Variants in RHOQ observed in about 807,000 individuals in gnomAD.
RHOQ encodes the protein rho-related GTP-binding protein RhoQ.
A neutral mutation model predicts 25.8 loss-of-function variants in RHOQ; 7 were observed. The ratio of observed to expected loss-of-function variants is 0.27; its 90% CI spans 0.15 to 0.51. The LOEUF is 0.51. Ranked by LOEUF, RHOQ falls within the 20% of genes least tolerant of loss-of-function variation. RHOQ has a pLI of 0.97. For missense variants in RHOQ, 165 were observed against 260.6 expected (o/e 0.63, Z 2.53); for synonymous variants, 97 against 98.6 (o/e 0.98, Z 0.10).
chr2:46,554,041 C>A (rs1423877789), intron 2 of RHOQ, among the ~76,000 whole-genome samples: 1 of 151,870 alleles, frequency 6.6e-6, no homozygotes, highest in African/African-American at 2.4e-5. Context: ...GTTTGTCTTT[C>A]TGTTGCTGGC....
At chr2:46,570,009 C>T (rs1668861018) in intron 2 of RHOQ, among the ~76,000 whole-genome samples, 1 of 152,074 alleles carries the variant, frequency 6.6e-6, no homozygotes, top group African/African-American at 2.4e-5. Context: ...CCAAACTTAC[C>T]AAAGTGTTTT....
chr2:46,545,023 C>T (rs116006802), intron 2 of RHOQ, among the ~76,000 whole-genome samples: 4 of 152,160 alleles, frequency 2.6e-5, no homozygotes, highest in Admixed American at 2.6e-4. Flanking sequence ...GGGGGAGTGC[C>T]TTGATGTGAC....
rs1668392901 is a variant in RHOQ, at chr2:46,555,765, G to C, written c.201+11953G>C. ...CAGGTGTGCTTCCAGAGTGGCCTGT[G>C]GCCCTCTGTGATAAGTCGGTAGGAG... On this transcript the variant is annotated intron_variant, in intron 2 of 4. Coordinates refer to ENST00000238738, the MANE Select transcript of RHOQ (RefSeq NM_012249.4). This position sits in a 1 kb window ranked among gnomAD's most constrained non-coding sequence, Gnocchi z 4.3. Among the ~76,000 whole-genome samples the C allele has an allele frequency of 6.6e-6, 1 of 152,148 alleles. No homozygotes were observed. Among genetic ancestry groups the C allele is most frequent in the Admixed American group, 6.5e-5 (1 of 15,282 alleles).
chr2:46,572,355 G>A (rs1369601295), intron 2 of RHOQ, among the ~76,000 whole-genome samples: 1 of 151,770 alleles, frequency 6.6e-6, no homozygotes, highest in South Asian at 2.1e-4. Context: ...TCCCCACCTC[G>A]GCCTCCCAAA....
Position 46,576,143 on chromosome 2 carries a change from A to G in RHOQ, c.258A>G (p.Ile86Met). The change falls in exon 3 of 5, where the codon ATA becomes ATG. Residue 86 changes from isoleucine to methionine, a missense_variant. Transcript: ENST00000238738. The surrounding 1 kb of genome is among the most constrained non-coding windows in gnomAD (Gnocchi z 5.1). Reference protein sequence around the residue: ...LSYPMTDVFLICFSVVNPASF... With the variant: ...LSYPMTDVFLMCFSVVNPASF... Reference sequence around the variant, plus strand: ...ACCCAATGACCGATGTCTTCCTTATATGCTTCTCGGTGGTAAATCCAGCCT... The same window carrying G: ...ACCCAATGACCGATGTCTTCCTTATGTGCTTCTCGGTGGTAAATCCAGCCT... 1 of 1,613,586 alleles carries G rather than the reference A, an allele frequency of 6.2e-7. No homozygotes were observed. Among genetic ancestry groups the G allele is most frequent in the South Asian group, 1.1e-5 (1 of 91,036 alleles).
Position 46,555,499 on chromosome 2 carries a change from C to T in RHOQ, c.201+11687C>T, listed in dbSNP as rs892180842. On this transcript the variant is annotated intron_variant, in intron 2 of 4. Transcript: ENST00000238738. This position sits in a 1 kb window ranked among gnomAD's most constrained non-coding sequence, Gnocchi z 4.3. ...TTATATCATATCCATATTGGCTTTC[C>T]TATCAGCTCATTTGAGAGGAAATTC... Among the ~76,000 whole-genome samples the T allele has an allele frequency of 6.6e-6, 1 of 152,162 alleles. No individual in the cohort carries two copies. Among genetic ancestry groups the T allele is most frequent in the Non-Finnish European group, 1.5e-5 (1 of 68,034 alleles).
At chr2:46,574,506 C>T (rs937743380) in intron 2 of RHOQ, among the ~76,000 whole-genome samples, 3 of 151,906 alleles carry the variant, frequency 2.0e-5, no homozygotes, top group African/African-American at 7.3e-5. Context: ...TGTTTCATAC[C>T]CACCCTATTT....
intron 1 of RHOQ, chr2:46,543,423 A>G: frequency 1.7e-6 from 1 of 595,808 alleles, no homozygotes; most frequent in Admixed American, 3.0e-5. Context: ...CGCACTTCCT[A>G]CCCCTCGGCG....
At chr2:46,557,001 A>T (rs1488069315) in intron 2 of RHOQ, among the ~76,000 whole-genome samples, 1 of 152,214 alleles carries the variant, frequency 6.6e-6, no homozygotes, top group Admixed American at 6.5e-5. Context: ...CAAGACATAA[A>T]CCAATAGCTC....
intron 4 of RHOQ, 99 bp from the exon 5 acceptor site, chr2:46,580,829 T>A: frequency 1.2e-6 from 1 of 833,520 alleles, no homozygotes; most frequent in Non-Finnish European, 1.7e-6. Flanking sequence ...TCTTTTTGCA[T>A]AGCTGTATTT....
rs555137794 is a variant in RHOQ at position 46,548,551 on chromosome 2, A to G, written c.201+4739A>G. Among the ~76,000 whole-genome samples the G allele has an allele frequency of 1.7e-4, 26 of 152,294 alleles. No homozygotes were observed. The highest frequency in any genetic ancestry group is 4.8e-4 in the African/African-American group (20 of 41,554). Reference sequence around the variant, plus strand: ...GATGTGATTAGGAAAAAGGTTTTCTACTTTGGAGAAGGCCTGCAGGGAACA... The same window carrying G: ...GATGTGATTAGGAAAAAGGTTTTCTGCTTTGGAGAAGGCCTGCAGGGAACA... On this transcript the variant is annotated intron_variant, in intron 2 of 4. Coordinates refer to ENST00000238738, the MANE Select transcript of RHOQ (RefSeq NM_012249.4). This position sits in a 1 kb window ranked among gnomAD's most constrained non-coding sequence, Gnocchi z 5.2.
intron 2 of RHOQ, among the ~76,000 whole-genome samples, chr2:46,567,484 C>G (rs1300923705): frequency 6.6e-6 from 1 of 151,876 alleles, no homozygotes; most frequent in African/African-American, 2.4e-5. Flanking sequence ...GCCTCAATCT[C>G]CCAGGCTCAA....
chr2:46,554,858 G>T (rs1668364512), intron 2 of RHOQ, among the ~76,000 whole-genome samples: 1 of 151,156 alleles, frequency 6.6e-6, no homozygotes, highest in African/African-American at 2.4e-5. Context: ...ATAATGGTTG[G>T]GATTATAAAT....
chr2:46,551,228 AG>A (rs1029078612), intron 2 of RHOQ, among the ~76,000 whole-genome samples: 5 of 152,348 alleles, frequency 3.3e-5, no homozygotes, highest in African/African-American at 1.2e-4. Flanking sequence ...CTCAGCCCTC[AG>A]GGCAGCTGGG....
rs1668415870 is a variant in RHOQ at position 46,556,508 on chromosome 2, T to G, written c.201+12696T>G. On this transcript the variant is annotated intron_variant, in intron 2 of 4. Coordinates refer to ENST00000238738, the MANE Select transcript of RHOQ (RefSeq NM_012249.4). The surrounding 1 kb of genome is among the most constrained non-coding windows in gnomAD (Gnocchi z 4.9). The stretch of plus-strand genomic sequence containing the variant: ...TTTAATTTTTTTTTTTTTGTTCCTT[T>G]TAATGCTTGGGTCTGGACCTTCCAG... Among the ~76,000 whole-genome samples, 2 of 152,112 alleles carry G rather than the reference T, an allele frequency of 1.3e-5. No homozygotes were observed. Among genetic ancestry groups the G allele is most frequent in the African/African-American group, 4.8e-5 (2 of 41,410 alleles).
At chr2:46,574,750 G>A (rs980331565) in intron 2 of RHOQ, among the ~76,000 whole-genome samples, 6 of 152,182 alleles carry the variant, frequency 3.9e-5, no homozygotes, top group Non-Finnish European at 8.8e-5. Flanking sequence ...AAGGGTTTGG[G>A]ACATTAACAT....
chr2:46,543,433 G>A, intron 1 of RHOQ: 2 of 600,736 alleles, frequency 3.3e-6, no homozygotes, highest in East Asian at 2.8e-5. Flanking sequence ...ACCCCTCGGC[G>A]CCCTGGGCCG....
At chr2:46,575,563 C>G (rs143438502) in intron 2 of RHOQ, among the ~76,000 whole-genome samples, 1 of 152,238 alleles carries the variant, frequency 6.6e-6, no homozygotes, top group East Asian at 1.9e-4. Flanking sequence ...AGCTCCTTGA[C>G]TTACTGGCTA....
At chr2:46,546,482 A>ATATATATATATG (rs1558680436) in intron 2 of RHOQ, among the ~76,000 whole-genome samples, 2 of 20,788 alleles carry the variant, frequency 9.6e-5, no homozygotes, top group Non-Finnish European at 1.6e-4. Flanking sequence ...ATGTGTATAT[A>ATATATATATATG]TATATATATA....
Sources: gnomAD v4.1 joint callset for allele counts (sites outside exome capture counted in the v4.1 genomes callset) on GRCh38, gnomAD v4.1.1 for gene constraint, Gnocchi (gnomAD v3.1) non-coding constraint, MANE v1.5 for transcripts, NCBI Gene and HGNC (gene_info 2026-07-23, HGNC 2026-07-21) for gene names.